JAK2: variants seen among roughly 807,000 people sequenced by gnomAD.
JAK2 encodes Janus kinase 2.
In JAK2, 86 loss-of-function variants were observed where a neutral mutation model predicts 139.3. The ratio of observed to expected loss-of-function variants is 0.62; its 90% CI spans 0.52 to 0.74. The LOEUF is 0.74. JAK2 is among the 30% of genes least tolerant of loss of function. JAK2 has a pLI of 0.00. For missense variants in JAK2, 1,421 were observed against 1,360.3 expected, an observed-to-expected ratio of 1.04 and a Z score of -0.70; for synonymous variants, 490 against 437.7, an observed-to-expected ratio of 1.12 and a Z score of -1.49.
intron 2 of JAK2, among the ~76,000 whole-genome samples, chr9:5,017,202 C>T (rs927627308): frequency 2.0e-5 from 3 of 151,936 alleles, no homozygotes; most frequent in African/African-American, 7.3e-5. Context: ...AGAGTGAGGG[C>T]AACATATTTT....
At chr9:5,081,958 AGTGCTTGT>A in intron 19 of JAK2, 97 bp downstream of exon 19, 1 of 995,788 alleles carries the variant, frequency 1.0e-6, no homozygotes, top group Admixed American at 2.2e-5. Context: ...CATTTTAAGG[AGTGCTTGT>A]AGAAAAAAAA....
At chr9:5,122,244 GAACC>G (rs1394305090) in intron 22 of JAK2, among the ~76,000 whole-genome samples, 2 of 152,046 alleles carry the variant, frequency 1.3e-5, no homozygotes, top group African/African-American at 2.4e-5. Context: ...CTTAGCAATG[GAACC>G]ATGATACTCA....
rs10114303 is a variant in JAK2, at chr9:5,030,609, G to T, written c.350+703G>T. 1.9e-3 allele frequency among the ~76,000 whole-genome samples: 289 copies of T among 152,198 alleles called. 1 individual carries two copies. The highest frequency in any genetic ancestry group is 6.6e-3 in the African/African-American group (275 of 41,544). ...TCATGGTCACACAGGTAGGAATTGG[G>T]AGTCAGGTTCAAATCCAAGCCTGGT... On this transcript the variant is annotated intron_variant, in intron 4 of 24. Transcript: ENST00000381652.
chr9:5,080,679 T>C lies in JAK2; in HGVS notation c.2430T>C (p.Thr810=), dbSNP rs1186750113. 1.3e-6 allele frequency: 2 copies of C among 1,570,352 alleles called. No individual in the cohort carries two copies. The highest frequency in any genetic ancestry group is 1.7e-6 in the Non-Finnish European group (2 of 1,164,342). The part of the protein sequence containing the change: ...AIIRDLNSLF[T]PDYELLTEND... ...TACGAGATCTTAACAGTTTGTTTACTCCAGGTATGTATTTGAATGATCTTA... is the reference window on the plus strand; with the variant it reads ...TACGAGATCTTAACAGTTTGTTTACCCCAGGTATGTATTTGAATGATCTTA... Residue 810 remains threonine (T), a synonymous_variant, in exon 18 of 25, where the codon ACT becomes ACC. Transcript: ENST00000381652.
At position 4,991,634 on chromosome 9, in the gene JAK2, A is replaced by T. The variant is rs79857375; in HGVS notation, c.-26+5612A>T. Among the ~76,000 whole-genome samples the T allele has an allele frequency of 8.6e-3, 1,307 of 152,286 alleles. 47 individuals are homozygous for T. Among genetic ancestry groups the T allele is most frequent in the East Asian group, 0.081 (418 of 5,168 alleles). ...ACATGGTAAAATGTGTATAAAGTTT[A>T]AAAAGGAAATGGTTTACCAATGTTT... On this transcript the variant is annotated intron_variant, in intron 2 of 24. Transcript: ENST00000381652.
intron 2 of JAK2, among the ~76,000 whole-genome samples, chr9:5,018,984 T>C (rs1181810516): frequency 6.6e-6 from 1 of 152,198 alleles, no homozygotes; most frequent in Non-Finnish European, 1.5e-5. Context: ...ACAACAGTTC[T>C]CTCTTTGTCT....
chr9:5,073,818 C>CT (rs1819133814), intron 14 of JAK2, 33 bp downstream of exon 14: 1 of 1,309,642 alleles, frequency 7.6e-7, no homozygotes, highest in Non-Finnish European at 1.1e-6. Context: ...TAATGCCTTT[C>CT]TCAGAGCATC....
In JAK2 at chr9:5,090,429, C is replaced by A; in HGVS notation, c.2762-17C>A. 1 of 1,496,664 alleles carries A rather than the reference C, an allele frequency of 6.7e-7. No homozygotes were observed. Among genetic ancestry groups the A allele is most frequent in the Non-Finnish European group, 9.0e-7 (1 of 1,112,814 alleles). The allele number at this position is 1,496,664 out of a possible 1,614,324, so 92.7% of individuals were successfully genotyped here. On this transcript the variant is annotated splice_polypyrimidine_tract_variant and intron_variant, in intron 20 of 24. Coordinates refer to ENST00000381652, the MANE Select transcript of JAK2 (RefSeq NM_004972.4). ...ATATGGCAGAGTAAAACATTATTTC[C>A]ACCTTTATGTTAAAAGGTCGGCGTA...
rs1823735062 is a variant in JAK2, at chr9:5,123,044, G to T, written c.3100G>T (p.Ala1034Ser). The T allele has an allele frequency of 1.9e-6, 3 of 1,611,238 alleles. No homozygotes were observed. Among genetic ancestry groups the T allele is most frequent in the Non-Finnish European group, 2.5e-6 (3 of 1,178,312 alleles). Residue 1034 changes from alanine to serine, a missense_variant, in exon 23 of 25, where the codon GCC (alanine) becomes TCC (serine). Ala to Ser is a moderately conservative substitution (Grantham distance 99). Transcript: ENST00000381652. ...ESLTESKFSV[A>S]SDVWSFGVVL... The stretch of plus-strand genomic sequence containing the variant: ...ACTGACAGAGAGCAAGTTTTCTGTG[G>T]CCTCAGATGTTTGGAGCTTTGGAGT...
chr9:5,024,319 G>A (rs1822637868), intron 3 of JAK2, among the ~76,000 whole-genome samples: 3 of 152,094 alleles, frequency 2.0e-5, no homozygotes, highest in Non-Finnish European at 4.4e-5. Context: ...GCTTTAGCTT[G>A]TAAGATTTTT....
chr9:5,121,467 C>A (rs554165541), intron 22 of JAK2, among the ~76,000 whole-genome samples: 47 of 152,242 alleles, frequency 3.1e-4, no homozygotes, highest in African/African-American at 1.1e-3. Flanking sequence ...CTTTTCATAT[C>A]TTCATGACAG....
intron 11 of JAK2, among the ~76,000 whole-genome samples, chr9:5,069,439 G>T (rs932583408): frequency 2.0e-5 from 3 of 152,146 alleles, no homozygotes; most frequent in Middle Eastern, 6.4e-3. Context: ...TAAACATAAT[G>T]TGTGGTATGA....
intron 22 of JAK2, 83 bp downstream of exon 22, chr9:5,090,994 C>T: frequency 2.0e-6 from 2 of 1,024,350 alleles, no homozygotes; most frequent in South Asian, 1.8e-5. Context: ...TTTGCCATTT[C>T]TATATTTACA....
At chr9:5,013,276 C>T (rs929569605) in intron 2 of JAK2, among the ~76,000 whole-genome samples, 11 of 152,062 alleles carry the variant, frequency 7.2e-5, no homozygotes, top group South Asian at 4.1e-4. Flanking sequence ...TTACATTTCA[C>T]CTCACCATAT....
chr9:5,020,696 T>C (rs1286426763), intron 2 of JAK2, among the ~76,000 whole-genome samples: 3 of 152,270 alleles, frequency 2.0e-5, no homozygotes, highest in Admixed American at 6.5e-5. Flanking sequence ...GTGGTAGAGC[T>C]TGTCCTCAGG....
At chr9:5,074,283 C>A (rs1413871233) in intron 14 of JAK2, among the ~76,000 whole-genome samples, 1 of 152,086 alleles carries the variant, frequency 6.6e-6, no homozygotes, top group Admixed American at 6.6e-5. Context: ...TAATACTATA[C>A]AGGCATGCCT....
chr9:5,045,627 C>A (rs1377812274), intron 5 of JAK2, among the ~76,000 whole-genome samples: 1 of 152,114 alleles, frequency 6.6e-6, no homozygotes, highest in Non-Finnish European at 1.5e-5. Context: ...GAATATAAAT[C>A]TGCCTTTTCT....
chr9:5,054,083 A>C lies in JAK2; in HGVS notation c.615-480A>C, dbSNP rs1267191999. On this transcript the variant is annotated intron_variant, in intron 6 of 24. Coordinates refer to ENST00000381652, the MANE Select transcript of JAK2 (RefSeq NM_004972.4). The surrounding 1 kb of genome is among the most constrained non-coding windows in gnomAD (Gnocchi z 4.9). ...TTAGGAGTTGAAGCTGGCCTAACAAAATAATATACAGAAGTATGTTTGCAT... is the reference window on the plus strand; with the variant it reads ...TTAGGAGTTGAAGCTGGCCTAACAACATAATATACAGAAGTATGTTTGCAT... 2.0e-5 allele frequency among the ~76,000 whole-genome samples: 3 copies of C among 152,072 alleles called. No homozygotes were observed. The highest frequency in any genetic ancestry group is 7.2e-5 in the African/African-American group (3 of 41,462).
chr9:5,027,554 G>A (rs1406266938), intron 3 of JAK2, among the ~76,000 whole-genome samples: 1 of 152,094 alleles, frequency 6.6e-6, no homozygotes, highest in Non-Finnish European at 1.5e-5. Context: ...GACAATGAAG[G>A]TTGCTGCATC....
Sources: allele counts gnomAD v4.1 joint callset (sites outside exome capture counted in the v4.1 genomes callset), GRCh38; gene constraint gnomAD v4.1.1; non-coding constraint Gnocchi (gnomAD v3.1); transcripts MANE v1.5; gene names NCBI Gene and HGNC (gene_info 2026-07-23, HGNC 2026-07-21).